TAAR1: variants seen among roughly 807,000 people sequenced by gnomAD.
TAAR1 encodes trace amine associated receptor 1.
TAAR1 carries 1 observed loss-of-function variant against 1.2 expected under a neutral mutation model. The observed-to-expected ratio is 0.81, with a 90% CI of 0.29 to 3.86. The LOEUF (loss-of-function observed/expected upper bound fraction) is 3.86, where lower values mean the gene tolerates loss of function less well. TAAR1 is among the 30% of genes most tolerant of loss of function. The probability of loss-of-function intolerance (pLI) is 0.18; values close to 1 mark genes in which losing one functional copy is unlikely to be tolerated. For missense variants in TAAR1, 445 were observed against 405.6 expected (o/e 1.10, Z -0.83); for synonymous variants, 153 against 132.2 (o/e 1.16, Z -1.08).
chr6:132,645,783 C>T lies in TAAR1; in HGVS notation c.221G>A (p.Cys74Tyr), dbSNP rs373410815. The T allele has an allele frequency of 6.2e-7, 1 of 1,613,634 alleles. No homozygotes were observed. The highest frequency in any genetic ancestry group is 8.5e-7 in the Non-Finnish European group (1 of 1,179,828). The part of the protein sequence containing the change: ...SMATVDFLLG[C>Y]LVMPYSMVRS... ...CACCATACTGTAAGGCATGACCAGACACCCCAGAAGAAAGTCCACAGTGGC... is the reference window on the plus strand; with the variant it reads ...CACCATACTGTAAGGCATGACCAGATACCCCAGAAGAAAGTCCACAGTGGC... The change falls in exon 2 of 2, where the codon TGT (cysteine) becomes TAT (tyrosine). Residue 74 changes from cysteine (C) to tyrosine (Y), a missense_variant. Transcript: ENST00000275216.
intron 1 of TAAR1, among the ~76,000 whole-genome samples, chr6:132,652,463 T>C (rs1304407261): frequency 2.0e-5 from 3 of 151,114 alleles, no homozygotes; most frequent in Non-Finnish European, 4.4e-5. Context: ...CACACCACCA[T>C]GCCTGGCTAA....
At position 132,655,027 on chromosome 6, in the gene TAAR1, A is replaced by G. The variant is rs117985411; in HGVS notation, c.-127+4103T>C. Among the ~76,000 whole-genome samples, 406 of 152,272 alleles carry G rather than the reference A, an allele frequency of 2.7e-3. 7 individuals carry two copies. The East Asian group carries it at 0.034, about 13-fold the overall frequency. ...GACAGCCCAGTCTTCATGACCGCCA[A>G]AAAAAATCCTACACCCCTGATATGA... On this transcript the variant is annotated intron_variant, in intron 1 of 1. Transcript: ENST00000275216.
chr6:132,650,389 T>C (rs145456649), intron 1 of TAAR1, among the ~76,000 whole-genome samples: 21 of 152,304 alleles, frequency 1.4e-4, no homozygotes, highest in African/African-American at 5.1e-4. Flanking sequence ...AGTTTTCCTC[T>C]CACTCCACTC....
Position 132,645,821 on chromosome 6 carries a change from G to A in TAAR1, c.183C>T (p.Leu61=), listed in dbSNP as rs1777664765. The A allele has an allele frequency of 1.9e-6, 3 of 1,613,794 alleles. No homozygotes were observed. Among genetic ancestry groups the A allele is most frequent in the Non-Finnish European group, 2.5e-6 (3 of 1,179,828 alleles). The change falls in exon 2 of 2, where the codon CTC becomes CTT. Residue 61 remains leucine (L), a synonymous_variant. Transcript: ENST00000275216. ...AGTCCACAGTGGCCATGGAATGAAT[G>A]AGCCAATTTGTTGGGGTATGAAGTT... ...FKQLHTPTNW[L]IHSMATVDFL...
At chr6:132,646,658 G>T (rs1037629978) in intron 1 of TAAR1, among the ~76,000 whole-genome samples, 1 of 151,962 alleles carries the variant, frequency 6.6e-6, no homozygotes, top group African/African-American at 2.4e-5. Context: ...ATATTTATTT[G>T]CAGCTTGCAA....
At chr6:132,656,976 A>G (rs886155549) in intron 1 of TAAR1, among the ~76,000 whole-genome samples, 8 of 152,226 alleles carry the variant, frequency 5.3e-5, no homozygotes, top group Non-Finnish European at 1.0e-4. Context: ...AAATAGCAAG[A>G]GATGAAAAAT....
intron 1 of TAAR1, among the ~76,000 whole-genome samples, chr6:132,658,535 T>C (rs1304262077): frequency 6.6e-6 from 1 of 152,120 alleles, no homozygotes; most frequent in African/African-American, 2.4e-5. Context: ...CTGAATTTAG[T>C]TTAAGTTGAA....
At chr6:132,646,994 A>C (rs1407527729) in intron 1 of TAAR1, among the ~76,000 whole-genome samples, 1 of 152,082 alleles carries the variant, frequency 6.6e-6, no homozygotes, top group Non-Finnish European at 1.5e-5. Flanking sequence ...GTGAAGAATG[A>C]TATTGTGGTC....
chr6:132,655,505 A>T (rs989741477), intron 1 of TAAR1, among the ~76,000 whole-genome samples: 2 of 151,818 alleles, frequency 1.3e-5, no homozygotes, highest in African/African-American at 4.8e-5. Flanking sequence ...TCAGCCCCCT[A>T]AATAGATGGA....
At chr6:132,647,623 G>GAAA (rs201011015) in intron 1 of TAAR1, among the ~76,000 whole-genome samples, 3,118 of 103,034 alleles carry the variant, frequency 0.03, 86 homozygotes, top group East Asian at 0.049. Flanking sequence ...GAAAGAAAAA[G>GAAA]GAAAGAAAGA....
chr6:132,648,283 C>G (rs1701491733), intron 1 of TAAR1, among the ~76,000 whole-genome samples: 1 of 152,150 alleles, frequency 6.6e-6, no homozygotes, highest in South Asian at 2.1e-4. Context: ...AATCACTGTT[C>G]AGAAGTGTTT....
chr6:132,646,401 T>C (rs1777673054), intron 1 of TAAR1, among the ~76,000 whole-genome samples: 1 of 152,094 alleles, frequency 6.6e-6, no homozygotes, highest in Admixed American at 6.6e-5. Context: ...TGATCACACA[T>C]CTTAATCTAT....
chr6:132,647,218 C>T (rs1389009591), intron 1 of TAAR1, among the ~76,000 whole-genome samples: 2 of 151,986 alleles, frequency 1.3e-5, no homozygotes, highest in African/African-American at 2.4e-5. Flanking sequence ...TAGGCATCTT[C>T]TACTAGGCCT....
chr6:132,657,072 G>A (rs1233866394), intron 1 of TAAR1, among the ~76,000 whole-genome samples: 1 of 152,118 alleles, frequency 6.6e-6, no homozygotes, highest in Non-Finnish European at 1.5e-5. Context: ...TACAATGCTT[G>A]TTAAAAGAAC....
intron 1 of TAAR1, among the ~76,000 whole-genome samples, chr6:132,649,575 G>A (rs1026109437): frequency 6.6e-6 from 1 of 152,164 alleles, no homozygotes; most frequent in South Asian, 2.1e-4. Flanking sequence ...GTTCCGCAGG[G>A]CTGGGAAGGC....
At chr6:132,646,931 G>A (rs1487496750) in intron 1 of TAAR1, among the ~76,000 whole-genome samples, 1 of 152,048 alleles carries the variant, frequency 6.6e-6, no homozygotes, top group Non-Finnish European at 1.5e-5. Context: ...TAAAAATTAA[G>A]CTTTAAATTT....
chr6:132,652,451 C>T (rs751410211), intron 1 of TAAR1, among the ~76,000 whole-genome samples: 16 of 150,964 alleles, frequency 1.1e-4, no homozygotes, highest in Non-Finnish European at 1.9e-4. Context: ...GGATTACAGG[C>T]GCACACCACC....
Position 132,644,951 on chromosome 6 carries a change from A to C in TAAR1, c.*33T>G. 20 of 1,476,068 alleles carry C rather than the reference A, an allele frequency of 1.4e-5. No individual in the cohort carries two copies. The highest frequency in any genetic ancestry group is 1.8e-5 in the Non-Finnish European group (20 of 1,112,120). 91.4% of individuals were successfully genotyped at this position (1,476,068 alleles called of 1,614,324 possible). A position where few individuals can be genotyped will look rare whatever the true frequency, so the allele number is the denominator to read the frequency against. On this transcript the variant is annotated 3_prime_UTR_variant, in exon 2 of 2. Transcript: ENST00000275216. ...TGTTGTGTTCATAAATATGATCATC[A>C]ACCGATTTGCAAAACAGTAAAATAT...
chr6:132,650,502 T>A (rs1777738386), intron 1 of TAAR1, among the ~76,000 whole-genome samples: 1 of 152,242 alleles, frequency 6.6e-6, no homozygotes, highest in South Asian at 2.1e-4. Context: ...TCCATTTCCC[T>A]GTTACATTCA....
Sources: gnomAD v4.1 joint callset for allele counts (sites outside exome capture counted in the v4.1 genomes callset) on GRCh38, gnomAD v4.1.1 for gene constraint, MANE v1.5 for transcripts, NCBI Gene and HGNC (gene_info 2026-07-23, HGNC 2026-07-21) for gene names.